SLC30A8: variants seen among roughly 807,000 people sequenced by gnomAD.
The protein encoded by SLC30A8 is proton-coupled zinc antiporter SLC30A8.
Under a neutral mutation model 36.9 loss-of-function variants are expected in SLC30A8, and 27 were observed. That is an observed-to-expected ratio of 0.73 (90% CI 0.54 to 1.01). The LOEUF is 1.01. Among genes scored for constraint, SLC30A8 ranks in the 50% least tolerant of loss-of-function variants. SLC30A8 has a pLI of 0.00. For missense variants in SLC30A8, 439 were observed against 452.0 expected (o/e 0.97, Z 0.26); for synonymous variants, 164 against 172.4 (o/e 0.95, Z 0.38).
At chr8:117,024,496 A>G (rs1050473335) in intron 1 of SLC30A8, among the ~76,000 whole-genome samples, 3 of 152,114 alleles carry the variant, frequency 2.0e-5, no homozygotes, top group African/African-American at 4.8e-5. Flanking sequence ...CATCTTCCTT[A>G]TGGCAACTGC....
intron 1 of SLC30A8, chr8:116,951,177 A>T (rs1188106836): frequency 6.6e-6 from 1 of 152,176 alleles, no homozygotes; most frequent in Non-Finnish European, 1.5e-5. Flanking sequence ...TTGTAGAGTA[A>T]GGCATCGAAC....
At chr8:117,045,129 T>G (rs1198451815) in intron 2 of SLC30A8, among the ~76,000 whole-genome samples, 1 of 152,244 alleles carries the variant, frequency 6.6e-6, no homozygotes, top group Non-Finnish European at 1.5e-5. Context: ...AGCCCAGCTT[T>G]GATGGAACCA....
chr8:116,975,552 G>A lies in SLC30A8; in HGVS notation c.-266+24433G>A, dbSNP rs149910625. On this transcript the variant is annotated intron_variant, in intron 1 of 10. Coordinates refer to the SLC30A8 transcript ENST00000427715. ...TTTTAAGGCCTTGGCAATATGTTTG[G>A]TAAAGTGTCACCTGCAATGACGTAG... is the stretch of plus-strand genomic sequence containing the variant. 4.9e-4 allele frequency among the ~76,000 whole-genome samples: 75 copies of A among 152,190 alleles called. 1 individual carries two copies. Among genetic ancestry groups the A allele is most frequent in the African/African-American group, 1.8e-3 (74 of 41,440 alleles).
chr8:117,080,447 A>C (rs1259889037), intron 2 of SLC30A8, among the ~76,000 whole-genome samples: 1 of 152,022 alleles, frequency 6.6e-6, no homozygotes, highest in Non-Finnish European at 1.5e-5. Flanking sequence ...TGACTCTCTT[A>C]CCCACGTAGT....
At chr8:116,963,611 A>C (rs1814505926) in intron 1 of SLC30A8, among the ~76,000 whole-genome samples, 1 of 152,216 alleles carries the variant, frequency 6.6e-6, no homozygotes, top group Non-Finnish European at 1.5e-5. Context: ...ATGGCTGAAT[A>C]ATACTTTATT....
intron 2 of SLC30A8, among the ~76,000 whole-genome samples, chr8:117,078,197 TAGC>T (rs1272099190): frequency 6.6e-6 from 1 of 152,236 alleles, no homozygotes; most frequent in Admixed American, 6.5e-5. Flanking sequence ...ATAGTTTAAT[TAGC>T]AGGATATTTT....
intron 2 of SLC30A8, among the ~76,000 whole-genome samples, chr8:117,087,731 C>T (rs994716787): frequency 3.9e-5 from 6 of 152,130 alleles, no homozygotes; most frequent in African/African-American, 1.2e-4. Context: ...GTCAGCTGTA[C>T]CCTCTCATAA....
intron 2 of SLC30A8, among the ~76,000 whole-genome samples, chr8:117,083,676 CTGA>C: frequency 6.6e-6 from 1 of 152,266 alleles, no homozygotes; most frequent in East Asian, 1.9e-4. Context: ...TTTCCTTCTG[CTGA>C]TGTTTAGATC....
chr8:117,044,608 G>C (rs1363753000), intron 2 of SLC30A8, among the ~76,000 whole-genome samples: 3 of 152,212 alleles, frequency 2.0e-5, no homozygotes, highest in African/African-American at 7.2e-5. Context: ...AATATTGAGC[G>C]TGGTTTTCAG....
intron 2 of SLC30A8, among the ~76,000 whole-genome samples, chr8:117,076,390 C>A (rs1028864476): frequency 6.6e-6 from 1 of 152,162 alleles, no homozygotes; most frequent in Non-Finnish European, 1.5e-5. Flanking sequence ...ATATGAAATT[C>A]ATTCCTTCTG....
upstream of SLC30A8, among the ~76,000 whole-genome samples, chr8:117,130,790 T>C (rs1189819466): frequency 2.6e-5 from 4 of 151,890 alleles, no homozygotes; most frequent in African/African-American, 7.2e-5. Context: ...TAGAGGGCGT[T>C]TTTGAGGGTT....
intron 1 of SLC30A8, among the ~76,000 whole-genome samples, chr8:116,987,049 A>G (rs1280377661): frequency 1.9e-4 from 29 of 152,158 alleles, no homozygotes; most frequent in Non-Finnish European, 1.2e-4. Flanking sequence ...GCGCACTGAC[A>G]ATGGCACATT....
chr8:117,121,616 T>C (rs931239888), intron 2 of SLC30A8, among the ~76,000 whole-genome samples: 1 of 151,950 alleles, frequency 6.6e-6, no homozygotes, highest in African/African-American at 2.4e-5. Context: ...CTCCTAATAC[T>C]ATCGCATTGG....
At chr8:117,035,182 A>G (rs900081554) in intron 1 of SLC30A8, among the ~76,000 whole-genome samples, 1 of 152,228 alleles carries the variant, frequency 6.6e-6, no homozygotes, top group African/African-American at 2.4e-5. Flanking sequence ...TCATTTCAGC[A>G]TTAACCCAAA....
At chr8:117,148,230 T>G (rs1167605386) in intron 2 of SLC30A8, among the ~76,000 whole-genome samples, 1 of 152,116 alleles carries the variant, frequency 6.6e-6, no homozygotes. Context: ...TTGTTTAATT[T>G]TTGCATTTGG....
chr8:117,089,125 T>C (rs56826514), intron 2 of SLC30A8, among the ~76,000 whole-genome samples: 4,999 of 152,308 alleles, frequency 0.033, 190 homozygotes, highest in African/African-American at 0.097. Context: ...CAGGTTTTCA[T>C]TTGCTCCACT....
chr8:116,967,142 G>C (rs1814624915), intron 1 of SLC30A8, among the ~76,000 whole-genome samples: 1 of 152,116 alleles, frequency 6.6e-6, no homozygotes, highest in Non-Finnish European at 1.5e-5. Flanking sequence ...AAATTCCCCA[G>C]GGTAGAGGAA....
chr8:116,977,141 C>CTTTTTTT (rs71305451), intron 1 of SLC30A8, among the ~76,000 whole-genome samples: 19 of 59,108 alleles, frequency 3.2e-4, no homozygotes, highest in African/African-American at 3.7e-4. Context: ...CTTTTTCTTG[C>CTTTTTTT]TTTTTTTTTT....
intron 1 of SLC30A8, among the ~76,000 whole-genome samples, chr8:117,019,222 C>A (rs1415538352): frequency 3.9e-5 from 6 of 152,200 alleles, no homozygotes; most frequent in African/African-American, 1.4e-4. Flanking sequence ...AGCACAAGGC[C>A]TGGCAATAGC....
Sources: gnomAD v4.1 joint callset for allele counts (sites outside exome capture counted in the v4.1 genomes callset) on GRCh38, gnomAD v4.1.1 for gene constraint, MANE v1.5 for transcripts, NCBI Gene and HGNC (gene_info 2026-07-23, HGNC 2026-07-21) for gene names.